The following TTC29 variants were observed in gnomAD, a reference collection of about 807,000 sequenced individuals.
TTC29 encodes tetratricopeptide repeat protein 29.
TTC29 carries 49 observed loss-of-function variants against 58.1 expected under a neutral mutation model. The observed-to-expected ratio is 0.84, with a 90% CI of 0.67 to 1.07. The LOEUF (loss-of-function observed/expected upper bound fraction) is 1.07. Among genes scored for constraint, TTC29 ranks in the 50% least tolerant of loss-of-function variants. The pLI, the probability that TTC29 is intolerant of heterozygous loss-of-function variation, is 0.00. For missense variants in TTC29, 582 were observed against 555.6 expected (o/e 1.05, Z -0.48); for synonymous variants, 209 against 196.8 (o/e 1.06, Z -0.52).
chr4:146,719,923 G>A (rs900854849), intron 11 of TTC29, among the ~76,000 whole-genome samples: 2 of 152,122 alleles, frequency 1.3e-5, no homozygotes, highest in African/African-American at 2.4e-5. Context: ...TTGGTGCCAC[G>A]TAAGTGAAAC....
chr4:146,707,471 T>C lies in TTC29; in HGVS notation c.1397+14A>G. 6.2e-7 allele frequency: 1 copy of C among 1,600,338 alleles called. No individual in the cohort carries two copies. The highest frequency in any genetic ancestry group is 8.5e-7 in the Non-Finnish European group (1 of 1,170,456). ...TGGGTACTTAATAGAAACTTTTTAC[T>C]TGATTTATCATACCTACTGAGTTCT... On this transcript the variant is annotated intron_variant, in intron 12 of 12. Transcript: ENST00000325106.
intron 8 of TTC29, among the ~76,000 whole-genome samples, chr4:146,844,812 C>T (rs1165077614): frequency 6.6e-6 from 1 of 152,180 alleles, no homozygotes; most frequent in African/African-American, 2.4e-5. Flanking sequence ...TACAAAAATT[C>T]TGTGCAATGT....
intron 8 of TTC29, among the ~76,000 whole-genome samples, chr4:146,841,695 C>A (rs1728860702): frequency 6.6e-6 from 1 of 152,014 alleles, no homozygotes; most frequent in Non-Finnish European, 1.5e-5. Context: ...AAGACACAGA[C>A]CGGGCCTTGG....
chr4:146,798,547 C>G (rs1190083892), intron 11 of TTC29, among the ~76,000 whole-genome samples: 5 of 151,830 alleles, frequency 3.3e-5, no homozygotes, highest in African/African-American at 1.2e-4. Flanking sequence ...GGGAGAAAAA[C>G]AACAAATAAA....
intron 11 of TTC29, among the ~76,000 whole-genome samples, chr4:146,748,284 T>C (rs539407318): frequency 1.5e-4 from 23 of 152,306 alleles, no homozygotes; most frequent in African/African-American, 5.3e-4. Context: ...TTCTAGGGTA[T>C]GCCTTAGAAC....
chr4:146,940,442 T>A (rs1736273528), intron 2 of TTC29, among the ~76,000 whole-genome samples: 1 of 152,206 alleles, frequency 6.6e-6, no homozygotes, highest in Non-Finnish European at 1.5e-5. Context: ...AACAATATAA[T>A]GAATCACTTC....
intron 8 of TTC29, among the ~76,000 whole-genome samples, chr4:146,848,146 G>A (rs935922976): frequency 3.3e-5 from 5 of 152,170 alleles, no homozygotes; most frequent in African/African-American, 4.8e-5. Flanking sequence ...AAATGTACTG[G>A]AAAGAAACGT....
intron 5 of TTC29, among the ~76,000 whole-genome samples, chr4:146,908,677 C>T (rs940005389): frequency 5.3e-5 from 8 of 152,102 alleles, no homozygotes; most frequent in Admixed American, 4.6e-4. Context: ...AAAGTATCTC[C>T]TCTATGAAAG....
chr4:146,714,301 G>A (rs1742757397), intron 11 of TTC29, among the ~76,000 whole-genome samples: 1 of 152,138 alleles, frequency 6.6e-6, no homozygotes, highest in African/African-American at 2.4e-5. Flanking sequence ...AAAATGTTAA[G>A]TAGAGACATG....
At chr4:146,898,172 A>G (rs1255692480) in intron 6 of TTC29, among the ~76,000 whole-genome samples, 2 of 152,208 alleles carry the variant, frequency 1.3e-5, no homozygotes, top group African/African-American at 4.8e-5. Context: ...ATCAGCAAAC[A>G]GGGATAAGTG....
At chr4:146,924,785 G>A (rs1399372394) in intron 4 of TTC29, among the ~76,000 whole-genome samples, 1 of 151,228 alleles carries the variant, frequency 6.6e-6, no homozygotes, top group Non-Finnish European at 1.5e-5. Context: ...TCCAGTTTTT[G>A]AAAATGAAAA....
chr4:146,813,466 T>A (rs894413911), intron 10 of TTC29, among the ~76,000 whole-genome samples: 1 of 152,206 alleles, frequency 6.6e-6, no homozygotes, highest in African/African-American at 2.4e-5. Flanking sequence ...AGGATATTTT[T>A]AAGATGTGCT....
intron 8 of TTC29, among the ~76,000 whole-genome samples, chr4:146,855,883 T>C (rs1040750795): frequency 6.6e-6 from 1 of 152,218 alleles, no homozygotes; most frequent in African/African-American, 2.4e-5. Context: ...GTTTAACACA[T>C]CTAATCCTAT....
intron 6 of TTC29, among the ~76,000 whole-genome samples, chr4:146,880,542 C>A (rs1731556468): frequency 6.6e-6 from 1 of 152,000 alleles, no homozygotes; most frequent in African/African-American, 2.4e-5. Flanking sequence ...GGGTATTATC[C>A]AAATTGTTGC....
chr4:146,766,618 C>A (rs557566374), intron 11 of TTC29, among the ~76,000 whole-genome samples: 9 of 152,140 alleles, frequency 5.9e-5, no homozygotes, highest in Admixed American at 5.9e-4. Context: ...CTATTAGTCT[C>A]ATTATTGCTA....
chr4:146,890,106 C>G (rs968152054), intron 6 of TTC29, among the ~76,000 whole-genome samples: 5 of 151,972 alleles, frequency 3.3e-5, no homozygotes, highest in African/African-American at 1.2e-4. Context: ...TTTCCTGGAG[C>G]TGTCATAAAA....
chr4:146,884,336 C>G (rs149035728), intron 6 of TTC29, among the ~76,000 whole-genome samples: 104 of 152,206 alleles, frequency 6.8e-4, no homozygotes, highest in African/African-American at 2.4e-3. Context: ...TTGGAATTTA[C>G]TCTGAAAAAT....
chr4:146,773,354 T>C (rs531493669), intron 11 of TTC29, among the ~76,000 whole-genome samples: 1 of 152,292 alleles, frequency 6.6e-6, no homozygotes, highest in African/African-American at 2.4e-5. Context: ...GGCTGTGTGT[T>C]TGTCATGGAT....
intron 11 of TTC29, among the ~76,000 whole-genome samples, chr4:146,744,699 A>G (rs2150039549): frequency 6.6e-6 from 1 of 152,238 alleles, no homozygotes; most frequent in East Asian, 1.9e-4. Flanking sequence ...TGCCTCTCTC[A>G]CCAACTATCA....
Sources: allele counts gnomAD v4.1 joint callset (sites outside exome capture counted in the v4.1 genomes callset), GRCh38; gene constraint gnomAD v4.1.1; transcripts MANE v1.5; gene names NCBI Gene and HGNC (gene_info 2026-07-23, HGNC 2026-07-21).